The following WDR1 variants were observed in gnomAD, a reference collection of about 807,000 sequenced individuals.
WDR1 encodes the protein WD repeat domain 1, also known as WD repeat-containing protein 1.
Under a neutral mutation model 71.9 loss-of-function variants are expected in WDR1, and 21 were observed. The ratio of observed to expected loss-of-function variants is 0.29; its 90% CI spans 0.21 to 0.42. The LOEUF is 0.42. WDR1 is among the 10% of genes least tolerant of loss of function. The pLI is 1.00. For missense variants in WDR1, 696 were observed against 824.5 expected (o/e 0.84, Z 1.91); for synonymous variants, 424 against 347.4 (o/e 1.22, Z -2.45).
At position 10,081,287 on chromosome 4, in the gene WDR1, T is replaced by C. The variant is rs530464045; in HGVS notation, c.1284+70A>G. 1.4e-5 allele frequency: 20 copies of C among 1,470,774 alleles called. No homozygotes were observed. The African/African-American group carries it at 2.1e-4, about 15-fold the overall frequency. 91.1% of individuals were successfully genotyped at this position (1,470,774 alleles called of 1,614,324 possible). A position where few individuals can be genotyped will look rare whatever the true frequency, so the allele number is the denominator to read the frequency against. ...GCTAGAGCAACTGTCAAACGGGACATGAGTCAAATTCAGCAAGCAGGCACC... is the reference window on the plus strand; with the variant it reads ...GCTAGAGCAACTGTCAAACGGGACACGAGTCAAATTCAGCAAGCAGGCACC... On this transcript the variant is annotated intron_variant, in intron 11 of 14. Coordinates refer to ENST00000499869, the MANE Select transcript of WDR1 (RefSeq NM_017491.5).
At chr4:10,081,674 G>T (rs1411095361) in intron 10 of WDR1, among the ~76,000 whole-genome samples, 1 of 81,250 alleles carries the variant, frequency 1.2e-5, no homozygotes, top group Non-Finnish European at 2.5e-5. Context: ...GGGGGGGGGG[G>T]AAGGAGGGGC....
rs576176641 is a variant in WDR1, at chr4:10,089,539, G to A, written c.559-798C>T. On this transcript the variant is annotated intron_variant, in intron 5 of 14. Transcript: ENST00000499869. ...ATAAGGAAATGAATGCATTCTTTCC[G>A]CAGTCAACAAGAGTTTGTATCAGAG... Among the ~76,000 whole-genome samples the A allele has an allele frequency of 8.9e-4, 135 of 152,304 alleles. 2 individuals carry two copies. The Middle Eastern group carries it at 0.02, about 23-fold the overall frequency.
Position 10,087,952 on chromosome 4 carries a change from A to G in WDR1, c.718-12T>C. 1.3e-6 allele frequency: 2 copies of G among 1,546,896 alleles called. No homozygotes were observed. The highest frequency in any genetic ancestry group is 1.7e-6 in the Non-Finnish European group (2 of 1,144,386). On this transcript the variant is annotated splice_polypyrimidine_tract_variant and intron_variant, in intron 7 of 14. Transcript: ENST00000499869. ...GGACTCCAACTAATCTATTCAGAAA[A>G]AAGCAGTGTGTCATGTGCCAGAGGA...
intron 2 of WDR1, among the ~76,000 whole-genome samples, chr4:10,109,325 C>G (rs943945760): frequency 6.6e-6 from 1 of 152,262 alleles, no homozygotes; most frequent in African/African-American, 2.4e-5. Flanking sequence ...AAATGCTCAA[C>G]ACCTTCACAC....
intron 5 of WDR1, chr4:10,091,612 G>A (rs1439247088): frequency 6.6e-6 from 1 of 152,368 alleles, no homozygotes; most frequent in Non-Finnish European, 1.5e-5. Flanking sequence ...CAGCAAGCCT[G>A]GGGGTGCTCC....
At chr4:10,084,407 G>A (rs375341899) in intron 9 of WDR1, 36 bp downstream of exon 9, 106 of 1,591,374 alleles carry the variant, frequency 6.7e-5, no homozygotes, top group Middle Eastern at 5.0e-4. Context: ...CCTAGAGCCA[G>A]CGGCTCCGGA....
intron 12 of WDR1, 104 bp from the exon 13 acceptor site, chr4:10,078,030 C>T: frequency 1.5e-6 from 2 of 1,343,812 alleles, no homozygotes; most frequent in Non-Finnish European, 2.0e-6. Context: ...GCCGTTCCCA[C>T]TGACTGCTGC....
At position 10,113,907 on chromosome 4, in the gene WDR1, T is replaced by C. The variant is rs62288547; in HGVS notation, c.138+2206A>G. Among the ~76,000 whole-genome samples the C allele has an allele frequency of 6.9e-3, 1,052 of 152,308 alleles. 4 individuals are homozygous for C. Among genetic ancestry groups the C allele is most frequent in the Admixed American group, 0.012 (186 of 15,298 alleles). ...ACACAAATTTGGCTTGGAGTATGTA[T>C]GTTGAGTCTGAGATGTCAATGAGAC... is the stretch of plus-strand genomic sequence containing the variant. On this transcript the variant is annotated intron_variant, in intron 2 of 14. Coordinates refer to ENST00000499869, the MANE Select transcript of WDR1 (RefSeq NM_017491.5).
chr4:10,100,179 C>A (rs1712604328), intron 3 of WDR1, among the ~76,000 whole-genome samples: 1 of 152,194 alleles, frequency 6.6e-6, no homozygotes, highest in Non-Finnish European at 1.5e-5. Flanking sequence ...GTGAAAAGAG[C>A]TTTTGTTTTC....
chr4:10,114,520 T>G (rs1713588255), intron 2 of WDR1, among the ~76,000 whole-genome samples: 1 of 152,210 alleles, frequency 6.6e-6, no homozygotes, highest in Non-Finnish European at 1.5e-5. Context: ...GCCCCCTCCC[T>G]GGAAGTCAAT....
Position 10,077,756 on chromosome 4 carries a change from G to A in WDR1, c.1566C>T (p.Tyr522=), listed in dbSNP as rs376178590. ...VVTVFSVADG[Y]SENNVFYGHH... ...GGAGGAGCCCGCCGCCACTCACCGAGTAGCCGTCAGCAACGCTGAACACTG... is the reference window on the plus strand; with the variant it reads ...GGAGGAGCCCGCCGCCACTCACCGAATAGCCGTCAGCAACGCTGAACACTG... Residue 522 remains tyrosine, a synonymous_variant, in exon 13 of 15, where the codon TAC becomes TAT. Coordinates refer to ENST00000499869, the MANE Select transcript of WDR1 (RefSeq NM_017491.5). The A allele has an allele frequency of 6.9e-6, 11 of 1,583,406 alleles. No individual in the cohort carries two copies. Among genetic ancestry groups the A allele is most frequent in the South Asian group, 1.1e-5 (1 of 87,424 alleles).
At chr4:10,115,543 CCATTCAG>C (rs1200091297) in intron 2 of WDR1, among the ~76,000 whole-genome samples, 2 of 152,226 alleles carry the variant, frequency 1.3e-5, no homozygotes, top group African/African-American at 4.8e-5. Context: ...GAGTGCCATT[CCATTCAG>C]CAAGGGCTCA....
intron 2 of WDR1, among the ~76,000 whole-genome samples, chr4:10,112,603 G>A (rs977081674): frequency 1.3e-5 from 2 of 152,218 alleles, no homozygotes; most frequent in Non-Finnish European, 1.5e-5. Flanking sequence ...CAAAATAAAT[G>A]ACAGAGGGGG....
At chr4:10,111,660 G>A (rs539270865) in intron 2 of WDR1, among the ~76,000 whole-genome samples, 271 of 152,276 alleles carry the variant, frequency 1.8e-3, no homozygotes, top group African/African-American at 6.3e-3. Flanking sequence ...CAATTCCGGA[G>A]AAGCAGCTAG....
chr4:10,081,596 A>G (rs1421179358), intron 10 of WDR1, among the ~76,000 whole-genome samples, 152 bp from the exon 11 acceptor site: 1 of 142,284 alleles, frequency 7.0e-6, no homozygotes, highest in African/African-American at 2.6e-5. Context: ...ATGGGATGGT[A>G]GCGAAAAAAC....
intron 2 of WDR1, among the ~76,000 whole-genome samples, chr4:10,105,971 G>A (rs924272238): frequency 1.1e-4 from 16 of 152,280 alleles, no homozygotes; most frequent in Non-Finnish European, 1.6e-4. Flanking sequence ...GCTATCAATC[G>A]CCAACATGTT....
chr4:10,080,562 C>CAG (rs1336837068), intron 11 of WDR1, among the ~76,000 whole-genome samples: 1 of 152,258 alleles, frequency 6.6e-6, no homozygotes, highest in African/African-American at 2.4e-5. Context: ...AAAGGAGGGC[C>CAG]AGAGGGTGCT....
chr4:10,116,358 C>T (rs1713730449), intron 1 of WDR1, 124 bp from the exon 2 acceptor site: 1 of 1,404,608 alleles, frequency 7.1e-7, no homozygotes, highest in East Asian at 2.4e-5. Context: ...AGGGCGGCCT[C>T]CACTTTCCAC....
intron 10 of WDR1, among the ~76,000 whole-genome samples, chr4:10,082,066 T>C (rs568078040): frequency 6.6e-6 from 1 of 152,334 alleles, no homozygotes; most frequent in East Asian, 1.9e-4. Flanking sequence ...TTGGGTTATC[T>C]GGCCCAGGGA....
Sources: gnomAD v4.1 joint callset for allele counts (sites outside exome capture counted in the v4.1 genomes callset) on GRCh38, gnomAD v4.1.1 for gene constraint, MANE v1.5 for transcripts, NCBI Gene and HGNC (gene_info 2026-07-23, HGNC 2026-07-21) for gene names.